The following FSTL5 variants were observed in gnomAD, a reference collection of about 807,000 sequenced individuals.
The protein encoded by FSTL5 is follistatin like 5, also known as follistatin-related protein 5.
In FSTL5, 62 loss-of-function variants were observed where a neutral mutation model predicts 89.1. That is an observed-to-expected ratio of 0.70 (90% CI 0.57 to 0.86). The LOEUF (loss-of-function observed/expected upper bound fraction) is 0.86. Ranked by LOEUF, FSTL5 falls within the 40% of genes least tolerant of loss-of-function variation. FSTL5 has a pLI of 0.00. For synonymous variants in FSTL5, 383 were observed against 346.2 expected (o/e 1.11, Z -1.18); for missense variants, 1,057 against 1,001.6 (o/e 1.06, Z -0.75).
At chr4:161,433,284 T>C (rs1732445163) in intron 15 of FSTL5, among the ~76,000 whole-genome samples, 1 of 152,042 alleles carries the variant, frequency 6.6e-6, no homozygotes, top group Admixed American at 6.6e-5. Flanking sequence ...ATACATCATG[T>C]CAATGGAATA....
chr4:161,583,285 G>C (rs1410737876), intron 8 of FSTL5, among the ~76,000 whole-genome samples: 1 of 152,144 alleles, frequency 6.6e-6, no homozygotes, highest in Non-Finnish European at 1.5e-5. Flanking sequence ...CCTGTTGAAA[G>C]GTCTACAGAA....
chr4:162,077,226 T>G (rs1236911392), intron 2 of FSTL5, among the ~76,000 whole-genome samples: 6 of 151,596 alleles, frequency 4.0e-5, no homozygotes, highest in Non-Finnish European at 7.4e-5. Flanking sequence ...GAGGGAGAGA[T>G]AAAGAAAGAG....
At chr4:161,596,529 G>A (rs562458658) in intron 7 of FSTL5, among the ~76,000 whole-genome samples, 1 of 151,804 alleles carries the variant, frequency 6.6e-6, no homozygotes, top group African/African-American at 2.4e-5. Flanking sequence ...CTGCAAAAAG[G>A]TTCTAATAAC....
chr4:161,617,879 T>C (rs1202603442), intron 7 of FSTL5, among the ~76,000 whole-genome samples: 1 of 152,202 alleles, frequency 6.6e-6, no homozygotes, highest in East Asian at 1.9e-4. Context: ...AAATGCTTAA[T>C]GGGGATGGCA....
At position 161,999,115 on chromosome 4, in the gene FSTL5, G is replaced by A. The variant is rs972569914; in HGVS notation, c.160+34510C>T. Among the ~76,000 whole-genome samples the A allele has an allele frequency of 6.6e-5, 10 of 151,844 alleles. No individual in the cohort carries two copies. In the East Asian group the frequency reaches 7.7e-4, roughly 12 times the overall value. On this transcript the variant is annotated intron_variant, in intron 3 of 15. Coordinates refer to ENST00000306100, the MANE Select transcript of FSTL5 (RefSeq NM_020116.5). ...GACCAAGGGTAGGATCCATTCAGTCGGATAAGGAGCATAGAATTTTATTTT... is the reference window on the plus strand; with the variant it reads ...GACCAAGGGTAGGATCCATTCAGTCAGATAAGGAGCATAGAATTTTATTTT...
chr4:161,541,829 T>C (rs1414903558), intron 9 of FSTL5, among the ~76,000 whole-genome samples: 1 of 151,614 alleles, frequency 6.6e-6, no homozygotes, highest in South Asian at 2.1e-4. Flanking sequence ...GAAAAAAAGG[T>C]TTGTGGTTTA....
chr4:162,000,401 G>T (rs1438417391), intron 3 of FSTL5, among the ~76,000 whole-genome samples: 1 of 151,960 alleles, frequency 6.6e-6, no homozygotes, highest in South Asian at 2.1e-4. Flanking sequence ...GACCAGTCTG[G>T]CCAACATGAT....
intron 6 of FSTL5, among the ~76,000 whole-genome samples, chr4:161,659,228 CTTA>C (rs1338869617): frequency 6.6e-6 from 1 of 152,048 alleles, no homozygotes; most frequent in East Asian, 1.9e-4. Flanking sequence ...CGTGGTAATA[CTTA>C]TTATTAAGTA....
At chr4:161,648,237 G>A (rs1225881409) in intron 7 of FSTL5, among the ~76,000 whole-genome samples, 1 of 152,168 alleles carries the variant, frequency 6.6e-6, no homozygotes, top group African/African-American at 2.4e-5. Context: ...CCTATAGACT[G>A]CAAAATAAAA....
chr4:161,424,428 A>G (rs1403737721), intron 15 of FSTL5, among the ~76,000 whole-genome samples: 1 of 146,304 alleles, frequency 6.8e-6, no homozygotes. Flanking sequence ...TTTAGGTTTT[A>G]TTTTTTGAGG....
At chr4:161,650,671 A>T (rs536193800) in intron 7 of FSTL5, among the ~76,000 whole-genome samples, 1 of 152,312 alleles carries the variant, frequency 6.6e-6, no homozygotes, top group Non-Finnish European at 1.5e-5. Context: ...CCTCCTTATT[A>T]CAAATGAAGA....
At chr4:162,059,076 A>G (rs886837306) in intron 2 of FSTL5, among the ~76,000 whole-genome samples, 1 of 152,212 alleles carries the variant, frequency 6.6e-6, no homozygotes, top group East Asian at 1.9e-4. Context: ...ACAACATTTA[A>G]AATGATTAAT....
chr4:161,729,041 G>T (rs1739513676), intron 6 of FSTL5, among the ~76,000 whole-genome samples: 1 of 152,064 alleles, frequency 6.6e-6, no homozygotes, highest in African/African-American at 2.4e-5. Flanking sequence ...TGGAAGCACT[G>T]CCACAGAGAC....
chr4:161,607,108 C>T (rs1017009770), intron 7 of FSTL5, among the ~76,000 whole-genome samples: 10 of 152,014 alleles, frequency 6.6e-5, no homozygotes, highest in Non-Finnish European at 1.0e-4. Flanking sequence ...ACAAACAGTG[C>T]GCTAACCCAC....
intron 13 of FSTL5, among the ~76,000 whole-genome samples, chr4:161,476,173 G>GTTTTT (rs1231231673): frequency 0.081 from 6,473 of 80,016 alleles, 510 homozygotes; most frequent in African/African-American, 0.11. Flanking sequence ...AAGTTTGCTG[G>GTTTTT]TTTTTTTTTT....
At chr4:161,532,439 C>G (rs185406942) in intron 10 of FSTL5, among the ~76,000 whole-genome samples, 1 of 152,152 alleles carries the variant, frequency 6.6e-6, no homozygotes, top group Non-Finnish European at 1.5e-5. Context: ...TTATACTCTT[C>G]AGTTACAACA....
chr4:161,784,979 G>A (rs1405048912), intron 4 of FSTL5, among the ~76,000 whole-genome samples: 1 of 151,120 alleles, frequency 6.6e-6, no homozygotes, highest in African/African-American at 2.4e-5. Context: ...TTTTTAACCC[G>A]ATACTTACAC....
chr4:161,432,394 C>T (rs944089524), intron 15 of FSTL5, among the ~76,000 whole-genome samples: 7 of 152,100 alleles, frequency 4.6e-5, no homozygotes, highest in South Asian at 4.1e-4. Flanking sequence ...AAATTAAAAA[C>T]ATTTTTGGAA....
At chr4:162,149,112 C>T (rs141385133) in intron 1 of FSTL5, among the ~76,000 whole-genome samples, 77 of 152,218 alleles carry the variant, frequency 5.1e-4, no homozygotes, top group African/African-American at 1.8e-3. Context: ...TGAAAACACT[C>T]CCAAAAACTG....
Sources: allele counts gnomAD v4.1 joint callset (sites outside exome capture counted in the v4.1 genomes callset), GRCh38; gene constraint gnomAD v4.1.1; transcripts MANE v1.5; gene names NCBI Gene and HGNC (gene_info 2026-07-23, HGNC 2026-07-21).